Variants in EIF3H observed in about 807,000 individuals in gnomAD.
The protein encoded by EIF3H is eukaryotic translation initiation factor 3 subunit H, also known as eIF-3-gamma.
In EIF3H, 26 loss-of-function variants were observed where a neutral mutation model predicts 44.2. The ratio of observed to expected loss-of-function variants is 0.59; its 90% CI spans 0.43 to 0.82. The LOEUF (loss-of-function observed/expected upper bound fraction) is 0.82, where lower values mean the gene tolerates loss of function less well. EIF3H is among the 40% of genes least tolerant of loss of function. The probability of loss-of-function intolerance (pLI) is 0.00; values close to 1 mark genes in which losing one functional copy is unlikely to be tolerated. For synonymous variants in EIF3H, 166 were observed against 151.9 expected (o/e 1.09, Z -0.68); for missense variants, 359 against 432.8 (o/e 0.83, Z 1.51).
At chr8:116,729,145 C>T (rs1814909185) in intron 1 of EIF3H, among the ~76,000 whole-genome samples, 1 of 152,090 alleles carries the variant, frequency 6.6e-6, no homozygotes, top group Non-Finnish European at 1.5e-5. Flanking sequence ...AATGAGATTG[C>T]TAAACCACTA....
intron 1 of EIF3H, among the ~76,000 whole-genome samples, chr8:116,730,003 T>C (rs978802164): frequency 6.6e-6 from 1 of 152,260 alleles, no homozygotes; most frequent in Non-Finnish European, 1.5e-5. Flanking sequence ...GATCTTGTCA[T>C]TTTAATATAA....
At chr8:116,684,825 T>G (rs1219417693) in intron 2 of EIF3H, among the ~76,000 whole-genome samples, 1 of 152,194 alleles carries the variant, frequency 6.6e-6, no homozygotes, top group Non-Finnish European at 1.5e-5. Flanking sequence ...ATTAGGAATA[T>G]CCACAATTTG....
intron 2 of EIF3H, among the ~76,000 whole-genome samples, chr8:116,703,568 T>C (rs1051508196): frequency 2.0e-5 from 3 of 152,216 alleles, no homozygotes; most frequent in Non-Finnish European, 4.4e-5. Flanking sequence ...GTGAGAGTAC[T>C]AAAGTCTTTA....
chr8:116,755,765 A>G lies in EIF3H; in HGVS notation c.33T>C (p.Thr11=), dbSNP rs1815432243. ...CGGCGGTGGAGCTGGAAGAGGTGGC[A>G]GTAGAGCCGGTACCTTCCTTGCGGG... is the stretch of plus-strand genomic sequence containing the variant. MASRKEGTGS[T]ATSSSSTAGA... The change falls in exon 1 of 8, where the codon ACT becomes ACC. Residue 11 remains threonine (T), a synonymous_variant. Coordinates refer to ENST00000521861, the MANE Select transcript of EIF3H (RefSeq NM_003756.3). 2.5e-6 allele frequency: 4 copies of G among 1,614,130 alleles called. No individual in the cohort carries two copies. Among genetic ancestry groups the G allele is most frequent in the Non-Finnish European group, 3.4e-6 (4 of 1,180,026 alleles).
intron 2 of EIF3H, among the ~76,000 whole-genome samples, chr8:116,678,325 C>A (rs1484821608): frequency 2.7e-5 from 4 of 150,806 alleles, no homozygotes; most frequent in Non-Finnish European, 4.5e-5. Context: ...AGTGCAGTGG[C>A]GTGATCTTGG....
In EIF3H at chr8:116,669,548, T is replaced by C. The variant is rs144549200; in HGVS notation, c.290-10568A>G. Among the ~76,000 whole-genome samples the C allele has an allele frequency of 6.1e-3, 924 of 152,290 alleles. 6 individuals are homozygous for C. Among genetic ancestry groups the C allele is most frequent in the African/African-American group, 0.02 (848 of 41,570 alleles). On this transcript the variant is annotated intron_variant, in intron 2 of 7. Coordinates refer to ENST00000521861, the MANE Select transcript of EIF3H (RefSeq NM_003756.3). ...GTGAATAGCTAAAGTAGGTTAAATATAGCAAACAGCTTTATCATACACCAT... is the reference window on the plus strand; with the variant it reads ...GTGAATAGCTAAAGTAGGTTAAATACAGCAAACAGCTTTATCATACACCAT...
intron 2 of EIF3H, among the ~76,000 whole-genome samples, chr8:116,708,650 G>A (rs974420147): frequency 2.0e-5 from 3 of 151,980 alleles, no homozygotes; most frequent in Non-Finnish European, 4.4e-5. Flanking sequence ...AAATCTTTCC[G>A]AATTCTCAAA....
intron 2 of EIF3H, among the ~76,000 whole-genome samples, chr8:116,676,252 T>C (rs1813844023): frequency 1.3e-5 from 2 of 152,126 alleles, no homozygotes; most frequent in Admixed American, 6.5e-5. Context: ...GAATACAAAG[T>C]GGGGAAGAAC....
chr8:116,701,411 A>G (rs1814373940), intron 2 of EIF3H, among the ~76,000 whole-genome samples: 1 of 152,178 alleles, frequency 6.6e-6, no homozygotes, highest in African/African-American at 2.4e-5. Context: ...ATATACCTCC[A>G]AAAATTCTTT....
intron 2 of EIF3H, among the ~76,000 whole-genome samples, chr8:116,694,315 T>G (rs551108147): frequency 1.3e-5 from 2 of 152,326 alleles, no homozygotes; most frequent in Admixed American, 6.5e-5. Flanking sequence ...AAATGTCATG[T>G]TTTGTTATAA....
intron 1 of EIF3H, among the ~76,000 whole-genome samples, chr8:116,730,223 G>C (rs562329135): frequency 1.6e-4 from 25 of 152,294 alleles, no homozygotes; most frequent in Non-Finnish European, 2.9e-4. Flanking sequence ...TACTGCTCGG[G>C]AACTGCTCTG....
chr8:116,701,068 T>G lies in EIF3H; in HGVS notation c.289+24948A>C, dbSNP rs528207127. ...TGTGTTAAATTTAGGAAAGAATATA[T>G]TCCTCAATTTCAAACAAATTTAAAA... On this transcript the variant is annotated intron_variant, in intron 2 of 7. Transcript: ENST00000521861. Among the ~76,000 whole-genome samples the G allele has an allele frequency of 1.2e-3, 181 of 152,306 alleles. 1 individual carries two copies. The South Asian group carries it at 0.023, about 20-fold the overall frequency.
At chr8:116,673,364 G>A (rs1813789579) in intron 2 of EIF3H, among the ~76,000 whole-genome samples, 1 of 152,086 alleles carries the variant, frequency 6.6e-6, no homozygotes, top group Admixed American at 6.5e-5. Context: ...TAAAGCTCTG[G>A]AAGCTATTCA....
chr8:116,725,984 T>C (rs753323686), intron 2 of EIF3H, 32 bp downstream of exon 2: 31 of 1,604,032 alleles, frequency 1.9e-5, no homozygotes, highest in Middle Eastern at 1.7e-4. Context: ...TTGTATGCAC[T>C]GCAAAGACAC....
At chr8:116,742,182 T>C (rs1274539261) in intron 1 of EIF3H, among the ~76,000 whole-genome samples, 2 of 152,222 alleles carry the variant, frequency 1.3e-5, no homozygotes, top group Non-Finnish European at 2.9e-5. Flanking sequence ...ATATTTCAGT[T>C]TGAAAGGGCA....
intron 1 of EIF3H, among the ~76,000 whole-genome samples, chr8:116,754,120 CT>C (rs549767406): frequency 1.3e-3 from 186 of 144,812 alleles, no homozygotes; most frequent in Admixed American, 1.5e-3. Context: ...ACTCCATTTT[CT>C]TTTTTTTTTT....
At position 116,646,462 on chromosome 8, in the gene EIF3H, C is replaced by T. The variant is rs1357030026; in HGVS notation, c.961+9G>A. On this transcript the variant is annotated intron_variant, in intron 7 of 7. Coordinates refer to ENST00000521861, the MANE Select transcript of EIF3H (RefSeq NM_003756.3). The stretch of plus-strand genomic sequence containing the variant: ...AAAACCAGCCAGGTTTTGCACTGGG[C>T]AACAATACCTGCAATGAGCAGCGAG... 2 of 1,614,010 alleles carry T rather than the reference C, an allele frequency of 1.2e-6. No individual in the cohort carries two copies. Among genetic ancestry groups the T allele is most frequent in the Non-Finnish European group, 8.5e-7 (1 of 1,180,018 alleles).
At chr8:116,744,576 T>G (rs1017501592) in intron 1 of EIF3H, among the ~76,000 whole-genome samples, 2 of 152,214 alleles carry the variant, frequency 1.3e-5, no homozygotes, top group Non-Finnish European at 2.9e-5. Context: ...TACACTACAC[T>G]TTGCTATTAA....
At chr8:116,713,672 A>C (rs1814611489) in intron 2 of EIF3H, among the ~76,000 whole-genome samples, 1 of 152,074 alleles carries the variant, frequency 6.6e-6, no homozygotes, top group African/African-American at 2.4e-5. Context: ...AAACACATAA[A>C]GTAAATTTAG....
Sources: allele counts gnomAD v4.1 joint callset (sites outside exome capture counted in the v4.1 genomes callset), GRCh38; gene constraint gnomAD v4.1.1; transcripts MANE v1.5; gene names NCBI Gene and HGNC (gene_info 2026-07-23, HGNC 2026-07-21).